The following ABLIM2 variants were observed in gnomAD, a reference collection of about 807,000 sequenced individuals.
ABLIM2 encodes the protein actin binding LIM protein family member 2, also known as actin-binding LIM protein 2.
Under a neutral mutation model 97.7 loss-of-function variants are expected in ABLIM2, and 53 were observed. That is an observed-to-expected ratio of 0.54 (90% CI 0.44 to 0.68). The LOEUF (loss-of-function observed/expected upper bound fraction) is 0.68. Ranked by LOEUF, ABLIM2 falls within the 30% of genes least tolerant of loss-of-function variation. ABLIM2 has a pLI of 0.00. For synonymous variants in ABLIM2, 361 were observed against 345.8 expected (o/e 1.04, Z -0.49); for missense variants, 835 against 867.2 (o/e 0.96, Z 0.47).
rs760648968 is a variant in ABLIM2 at position 8,077,650 on chromosome 4, T to C, written c.653A>G (p.Tyr218Cys). 9.9e-6 allele frequency: 16 copies of C among 1,612,242 alleles called. No individual in the cohort carries two copies. The highest frequency in any genetic ancestry group is 1.3e-5 in the Non-Finnish European group (15 of 1,179,212). The part of the protein sequence containing the change: ...FGIRCDSCEK[Y>C]ITGRVLEAGE... ...TACCTCCAGCACGCGCCCCGTGATG[T>C]ATTTCTCACAGCTGTCACAGCGGAT... Residue 218 changes from tyrosine (Y) to cysteine (C), a missense_variant, in exon 6 of 21, where the codon TAC (tyrosine) becomes TGC (cysteine). Coordinates refer to ENST00000447017, the MANE Select transcript of ABLIM2 (RefSeq NM_001130083.2).
intron 7 of ABLIM2, among the ~76,000 whole-genome samples, chr4:8,056,554 G>A (rs1427209755): frequency 1.3e-5 from 2 of 151,772 alleles, no homozygotes; most frequent in African/African-American, 4.8e-5. Context: ...GCCTGCCTTG[G>A]CCTCCCAAAG....
Position 8,158,727 on chromosome 4 carries a change from C to A in ABLIM2, c.-38G>T. On this transcript the variant is annotated 5_prime_UTR_variant, in exon 1 of 21. Transcript: ENST00000447017. ...TCGGAGTCGGGGCGGCCCGGCGCTG[C>A]GACAGCCAGACCCTCGGGCCCGCAG... 2 of 1,426,650 alleles carry A rather than the reference C, an allele frequency of 1.4e-6. No individual in the cohort carries two copies. The highest frequency in any genetic ancestry group is 1.8e-6 in the Non-Finnish European group (2 of 1,089,424). The allele number at this position is 1,426,650 out of a possible 1,614,324, so 88.4% of individuals were successfully genotyped here. A position where few individuals can be genotyped will look rare whatever the true frequency, so the allele number is the denominator to read the frequency against.
At position 8,017,008 on chromosome 4, in the gene ABLIM2, C is replaced by T. The variant is rs77012050; in HGVS notation, c.1423+2610G>A. On this transcript the variant is annotated intron_variant, in intron 14 of 20. Coordinates refer to ENST00000447017, the MANE Select transcript of ABLIM2 (RefSeq NM_001130083.2). ...CAACATATTTGGAGATACTTCTCTC[C>T]GGTTTTTTAGGTCAACACTCCTAAA... Among the ~76,000 whole-genome samples, 332 of 152,262 alleles carry T rather than the reference C, an allele frequency of 2.2e-3. 2 individuals are homozygous for T. The highest frequency in any genetic ancestry group is 7.6e-3 in the African/African-American group (316 of 41,540).
chr4:8,156,343 G>A lies in ABLIM2; in HGVS notation c.10+2337C>T, dbSNP rs6837487. On this transcript the variant is annotated intron_variant, in intron 1 of 20. Coordinates refer to ENST00000447017, the MANE Select transcript of ABLIM2 (RefSeq NM_001130083.2). The stretch of plus-strand genomic sequence containing the variant: ...TGTGGACTGGCCGGCCATACTACTG[G>A]GGAAACTGAGGCAGGGGGCGCCCCA... Among the ~76,000 whole-genome samples the A allele has an allele frequency of 4.3e-3, 649 of 152,274 alleles. 4 individuals are homozygous for A. Among genetic ancestry groups the A allele is most frequent in the African/African-American group, 0.014 (594 of 41,544 alleles).
rs895247346 is a variant in ABLIM2 at position 8,023,548 on chromosome 4, C to A, written c.1268-3245G>T. Among the ~76,000 whole-genome samples, 27 of 152,298 alleles carry A rather than the reference C, an allele frequency of 1.8e-4. 1 individual carries two copies. The highest frequency in any genetic ancestry group is 4.8e-4 in the African/African-American group (20 of 41,574). On this transcript the variant is annotated intron_variant, in intron 12 of 20. Transcript: ENST00000447017. The surrounding 1 kb of genome is among the most constrained non-coding windows in gnomAD (Gnocchi z 5.7). ...CACTGGCCGTGGCGGCCTTGCTGAC[C>A]GGGTCATGCTCGTCAGCCATGGTGG... is the stretch of plus-strand genomic sequence containing the variant.
intron 2 of ABLIM2, among the ~76,000 whole-genome samples, chr4:8,103,201 A>G (rs538663079): frequency 5.3e-5 from 8 of 152,268 alleles, no homozygotes; most frequent in African/African-American, 1.9e-4. Flanking sequence ...TGTTAAGATG[A>G]CAAATATCCA....
In ABLIM2 at chr4:7,985,732, G is replaced by T. The variant is rs138198826; in HGVS notation, c.1681-839C>A. 1.7e-3 allele frequency among the ~76,000 whole-genome samples: 254 copies of T among 152,276 alleles called. 1 individual carries two copies. The highest frequency in any genetic ancestry group is 5.6e-3 in the African/African-American group (231 of 41,570). On this transcript the variant is annotated intron_variant, in intron 17 of 20. Coordinates refer to ENST00000447017, the MANE Select transcript of ABLIM2 (RefSeq NM_001130083.2). ...ATGACTAAGGGTGACACTCTGAGGG[G>T]GATGGGCCCGAGAGCTCCTGCACCT...
rs755853564 is a variant in ABLIM2 at position 8,060,977 on chromosome 4, C to T, written c.753G>A (p.Met251Ile). The change falls in exon 7 of 21, where the codon ATG becomes ATA. Residue 251 changes from methionine (M) to isoleucine (I), a missense_variant. By Grantham distance (10) the Met-to-Ile change is conservative (BLOSUM62 1). Transcript: ENST00000447017. ...CGQMFAEGEE[M>I]YLQGSSIWHP... ...CATTTTAATTTGTACCTTGAAGATA[C>T]ATCTCTTCGCCTTCTGCAAACATCT... 125 of 1,590,238 alleles carry T rather than the reference C, an allele frequency of 7.9e-5. No homozygotes were observed. The highest frequency in any genetic ancestry group is 9.8e-5 in the Non-Finnish European group (114 of 1,168,150).
intron 1 of ABLIM2, among the ~76,000 whole-genome samples, chr4:8,110,430 C>T (rs1839738195): frequency 6.6e-6 from 1 of 152,090 alleles, no homozygotes; most frequent in Non-Finnish European, 1.5e-5. Flanking sequence ...GGCCCTGAAA[C>T]TCCTGGTCTT....
chr4:8,119,041 T>C (rs2152850857), intron 1 of ABLIM2, among the ~76,000 whole-genome samples: 1 of 152,306 alleles, frequency 6.6e-6, no homozygotes, highest in Non-Finnish European at 1.5e-5. Flanking sequence ...AGGACAAGCC[T>C]CTGGCTTTGT....
At chr4:8,016,168 C>T (rs1769092950) in intron 14 of ABLIM2, among the ~76,000 whole-genome samples, 1 of 151,572 alleles carries the variant, frequency 6.6e-6, no homozygotes, top group African/African-American at 2.4e-5. Context: ...CCTCACCTCC[C>T]AAGTAGCTGG....
chr4:8,121,725 C>T (rs1442189738), intron 1 of ABLIM2, among the ~76,000 whole-genome samples: 3 of 152,196 alleles, frequency 2.0e-5, no homozygotes, highest in Non-Finnish European at 4.4e-5. Flanking sequence ...ACAGCAGATG[C>T]CCAGTGAATA....
chr4:8,089,641 A>G (rs1825958578), intron 3 of ABLIM2, among the ~76,000 whole-genome samples: 1 of 148,288 alleles, frequency 6.7e-6, no homozygotes, highest in African/African-American at 2.5e-5. Context: ...AGGGTGAGGC[A>G]GGACAATCGC....
At chr4:8,048,040 G>A (rs1380458517) in intron 8 of ABLIM2, among the ~76,000 whole-genome samples, 1 of 152,222 alleles carries the variant, frequency 6.6e-6, no homozygotes, top group South Asian at 2.1e-4. Flanking sequence ...GGGAGCGTTG[G>A]CTGGTTTCAG....
chr4:8,156,822 G>A (rs943567453), intron 1 of ABLIM2, among the ~76,000 whole-genome samples: 1 of 152,240 alleles, frequency 6.6e-6, no homozygotes, highest in African/African-American at 2.4e-5. Flanking sequence ...CACATGCCAG[G>A]AACAAGGGAC....
chr4:8,077,448 C>T (rs893682191), intron 6 of ABLIM2, among the ~76,000 whole-genome samples, 180 bp downstream of exon 6: 16 of 152,312 alleles, frequency 1.1e-4, no homozygotes, highest in African/African-American at 3.8e-4. Context: ...GAGGAGGTGG[C>T]ACTGGGCAGG....
rs549522221 is a variant in ABLIM2 at position 7,972,157 on chromosome 4, C to T, written c.1825-5054G>A. Among the ~76,000 whole-genome samples the T allele has an allele frequency of 9.5e-4, 144 of 152,310 alleles. 1 individual carries two copies. The highest frequency in any genetic ancestry group is 1.6e-3 in the Non-Finnish European group (107 of 68,006). On this transcript the variant is annotated intron_variant, in intron 20 of 20. Coordinates refer to ENST00000447017, the MANE Select transcript of ABLIM2 (RefSeq NM_001130083.2). ...CCAGGAGAGCCTTCCCTCCATACCC[C>T]GGGACCTCTTCCACAGCCTATGGGG...
rs1037837627 is a variant in ABLIM2, at chr4:8,072,004, C to T, written c.675+5624G>A. ...CCCCTTCTGCGGAGCCAGGCTTGTC[C>T]CCGCCCGCAGTTCCCACCTTGCACC... On this transcript the variant is annotated intron_variant, in intron 6 of 20. Transcript: ENST00000447017. The surrounding 1 kb of genome is among the most constrained non-coding windows in gnomAD (Gnocchi z 5.8). The T allele has an allele frequency of 6.1e-6, 6 of 985,364 alleles. No individual in the cohort carries two copies. In the African/African-American group the frequency reaches 7.0e-5, roughly 11 times the overall value. 61.0% of individuals were successfully genotyped at this position (985,364 alleles called of 1,614,324 possible). A position where few individuals can be genotyped will look rare whatever the true frequency, so the allele number is the denominator to read the frequency against.
chr4:8,154,148 G>C (rs1021370068), intron 1 of ABLIM2, among the ~76,000 whole-genome samples: 3 of 151,452 alleles, frequency 2.0e-5, no homozygotes, highest in African/African-American at 7.3e-5. Flanking sequence ...ATTTTTAGTA[G>C]AGATGGGGTT....
Sources: allele counts gnomAD v4.1 joint callset (sites outside exome capture counted in the v4.1 genomes callset), GRCh38; gene constraint gnomAD v4.1.1; non-coding constraint Gnocchi (gnomAD v3.1); transcripts MANE v1.5; gene names NCBI Gene and HGNC (gene_info 2026-07-23, HGNC 2026-07-21).